PEAK1: variants seen among roughly 807,000 people sequenced by gnomAD.
The protein encoded by PEAK1 is inactive tyrosine-protein kinase PEAK1.
A neutral mutation model predicts 124.7 loss-of-function variants in PEAK1; 54 were observed. That is an observed-to-expected ratio of 0.43 (90% confidence interval 0.35 to 0.54). The LOEUF (loss-of-function observed/expected upper bound fraction) is 0.54, where lower values mean the gene tolerates loss of function less well. Ranked by LOEUF, PEAK1 falls within the 20% of genes least tolerant of loss-of-function variation. PEAK1 has a pLI of 0.01. For synonymous variants in PEAK1, 719 were observed against 760.0 expected, an observed-to-expected ratio of 0.95 and a Z score of 0.89; for missense variants, 2,046 against 2,134.5, an observed-to-expected ratio of 0.96 and a Z score of 0.82.
chr15:77,361,370 T>C (rs925901325), intron 2 of PEAK1, among the ~76,000 whole-genome samples: 2 of 151,764 alleles, frequency 1.3e-5, no homozygotes, highest in African/African-American at 4.8e-5. Context: ...AGCCCAGGAG[T>C]TTGAGGCTGC....
intron 2 of PEAK1, chr15:77,337,160 G>A: frequency 1.0e-6 from 1 of 985,114 alleles, no homozygotes; most frequent in Non-Finnish European, 1.2e-6. Flanking sequence ...TAACCTACCT[G>A]TGCCCATGAA....
intron 2 of PEAK1, among the ~76,000 whole-genome samples, chr15:77,353,447 G>A (rs778869694): frequency 1.3e-5 from 2 of 152,190 alleles, no homozygotes; most frequent in Non-Finnish European, 2.9e-5. Flanking sequence ...CTGGGTGGTG[G>A]ACCGAAGCTG....
chr15:77,122,036 T>C (rs545251881), intron 9 of PEAK1, among the ~76,000 whole-genome samples: 10 of 152,286 alleles, frequency 6.6e-5, no homozygotes, highest in African/African-American at 2.4e-4. Flanking sequence ...CTCAATTCCT[T>C]GATCTGCCTA....
At chr15:77,334,416 C>T (rs985654143) in intron 2 of PEAK1, 2 of 985,256 alleles carry the variant, frequency 2.0e-6, no homozygotes, top group Non-Finnish European at 2.4e-6. Flanking sequence ...GGTCTCCCAT[C>T]TTGCCAGGCT....
chr15:77,295,655 T>G (rs1253220895), intron 2 of PEAK1, among the ~76,000 whole-genome samples: 1 of 152,218 alleles, frequency 6.6e-6, no homozygotes, highest in Non-Finnish European at 1.5e-5. Flanking sequence ...AACACAGTAT[T>G]ACATAATGCA....
chr15:77,323,233 T>G (rs997680677), intron 2 of PEAK1, among the ~76,000 whole-genome samples: 3 of 152,182 alleles, frequency 2.0e-5, no homozygotes, highest in Non-Finnish European at 2.9e-5. Flanking sequence ...AAGACAGGGA[T>G]GCCCTCTCTC....
rs2050928873 is a variant in PEAK1, at chr15:77,110,666, C to T, written c.*3490G>A. On this transcript the variant is annotated 3_prime_UTR_variant, in exon 10 of 10. Transcript: ENST00000682557. ...GAGTGCTTGTGCCCTCACCTCAACC[C>T]ATACCTCACCCAGTTCATCTTCTGA... The T allele has an allele frequency of 6.6e-6, 1 of 152,244 alleles. No homozygotes were observed. Among genetic ancestry groups the T allele is most frequent in the South Asian group, 2.1e-4 (1 of 4,824 alleles). 9.4% of individuals were successfully genotyped at this position (152,244 alleles called of 1,614,324 possible). A position where few individuals can be genotyped will look rare whatever the true frequency, so the allele number is the denominator to read the frequency against.
Position 77,115,098 on chromosome 15 carries a change from GTT to G in PEAK1, c.4297_4298del (p.Asn1433ProfsTer6). On this transcript the variant is annotated frameshift_variant, in exon 10 of 10. Transcript: ENST00000682557. LOFTEE classifies it high-confidence loss of function. The stretch of plus-strand genomic sequence containing the variant: ...ATGCTGCTTCAGAACAGGGCTTTGG[GTT>G]TTTCCCATCCGTTTCTCCTTTGGCG... The part of the protein sequence containing the change: ...EDAKGETDGK[N>X]PKPCSEAASS... 8 of 1,614,104 alleles carry G rather than the reference GTT, an allele frequency of 5.0e-6. No homozygotes were observed. Among genetic ancestry groups the G allele is most frequent in the Non-Finnish European group, 6.8e-6 (8 of 1,180,020 alleles).
At chr15:77,343,549 C>G (rs951330062) in intron 2 of PEAK1, among the ~76,000 whole-genome samples, 1 of 144,174 alleles carries the variant, frequency 6.9e-6, no homozygotes, top group Non-Finnish European at 1.5e-5. Flanking sequence ...GGGAGTGGCA[C>G]AATCTCGTCT....
intron 6 of PEAK1, among the ~76,000 whole-genome samples, chr15:77,234,291 T>C (rs2060024132): frequency 6.6e-6 from 1 of 152,212 alleles, no homozygotes; most frequent in Admixed American, 6.5e-5. Flanking sequence ...TCTTTCTTTT[T>C]CAGACTTGCC....
At chr15:77,226,660 A>T (rs1037999845) in intron 6 of PEAK1, among the ~76,000 whole-genome samples, 4 of 152,048 alleles carry the variant, frequency 2.6e-5, no homozygotes, top group Non-Finnish European at 5.9e-5. Context: ...AGTTCTGCAT[A>T]CTCTTCTGGA....
Position 77,289,011 on chromosome 15 carries a change from G to A in PEAK1, c.-602-2507C>T, listed in dbSNP as rs570444209. 2.8e-4 allele frequency among the ~76,000 whole-genome samples: 43 copies of A among 151,478 alleles called. No individual in the cohort carries two copies. In the South Asian group the frequency reaches 4.8e-3, roughly 17 times the overall value. On this transcript the variant is annotated intron_variant, in intron 2 of 9. Transcript: ENST00000682557. ...ATAGGAGGCTAAGAAGACATGTATT[G>A]CAAGGTTTGGAGGAACAGTAAACAG...
At chr15:77,250,708 C>A (rs2060839711) in intron 6 of PEAK1, among the ~76,000 whole-genome samples, 1 of 152,138 alleles carries the variant, frequency 6.6e-6, no homozygotes, top group African/African-American at 2.4e-5. Flanking sequence ...GCTGGGATTA[C>A]AGGCGTATGC....
chr15:77,234,024 C>T (rs2060013031), intron 6 of PEAK1, among the ~76,000 whole-genome samples: 1 of 152,014 alleles, frequency 6.6e-6, no homozygotes, highest in Non-Finnish European at 1.5e-5. Flanking sequence ...TGTCACTGTA[C>T]CTGGCTAATT....
chr15:77,255,539 C>A (rs747428570), intron 5 of PEAK1: 30 of 199,676 alleles, frequency 1.5e-4, no homozygotes, highest in Admixed American at 2.0e-4. Context: ...AAATATGCGG[C>A]CATATGCAAC....
At chr15:77,411,958 T>C (rs1473939427) in intron 1 of PEAK1, among the ~76,000 whole-genome samples, 4 of 152,208 alleles carry the variant, frequency 2.6e-5, no homozygotes, top group Non-Finnish European at 5.9e-5. Context: ...CTACTGCTAT[T>C]CTCTTTTTAA....
chr15:77,136,352 AG>A (rs1393197531), intron 8 of PEAK1, among the ~76,000 whole-genome samples: 3 of 152,178 alleles, frequency 2.0e-5, no homozygotes, highest in Admixed American at 2.0e-4. Flanking sequence ...CAGTTTTATA[AG>A]GGAAGCAGAG....
chr15:77,179,765 T>C lies in PEAK1; in HGVS notation c.2162A>G (p.Gln721Arg). The C allele has an allele frequency of 6.2e-7, 1 of 1,614,146 alleles. No homozygotes were observed. Among genetic ancestry groups the C allele is most frequent in the South Asian group, 1.1e-5 (1 of 91,082 alleles). ...NCLNRGQSSP[Q>R]RSYSSSHSSP... ...GCTGTGGCTGGAACTATAGCTTCTC[T>C]GTGGTGAAGACTGACCTCTGTTGAG... Residue 721 changes from glutamine (Q) to arginine (R), a missense_variant, in exon 7 of 10, where the codon CAG becomes CGG. Transcript: ENST00000682557.
At chr15:77,288,060 T>A (rs767450625) in intron 2 of PEAK1, among the ~76,000 whole-genome samples, 6 of 152,192 alleles carry the variant, frequency 3.9e-5, no homozygotes, top group African/African-American at 7.2e-5. Flanking sequence ...ATTTACATAC[T>A]TCTGCCAACA....
Sources: allele counts gnomAD v4.1 joint callset (sites outside exome capture counted in the v4.1 genomes callset), GRCh38; gene constraint gnomAD v4.1.1; transcripts MANE v1.5; gene names NCBI Gene and HGNC (gene_info 2026-07-23, HGNC 2026-07-21).